The following EPHA6 variants were observed in gnomAD, a reference collection of about 807,000 sequenced individuals.
The protein encoded by EPHA6 is ephrin type-A receptor 6.
In EPHA6, 50 loss-of-function variants were observed where a neutral mutation model predicts 112.0. That is an observed-to-expected ratio of 0.45 (90% CI 0.36 to 0.56). The LOEUF is 0.56. Among genes scored for constraint, EPHA6 ranks in the 20% least tolerant of loss-of-function variants. The pLI is 0.00. For synonymous variants in EPHA6, 529 were observed against 490.7 expected (o/e 1.08, Z -1.03); for missense variants, 1,280 against 1,417.4 (o/e 0.90, Z 1.56).
chr3:97,375,661 A>G (rs984066182), intron 5 of EPHA6, among the ~76,000 whole-genome samples: 1 of 152,164 alleles, frequency 6.6e-6, no homozygotes, highest in African/African-American at 2.4e-5. Flanking sequence ...ATGTAAATAA[A>G]TAAAACTGTC....
intron 7 of EPHA6, among the ~76,000 whole-genome samples, chr3:97,455,709 T>C (rs1344378484): frequency 7.9e-5 from 12 of 152,058 alleles, no homozygotes; most frequent in Non-Finnish European, 5.9e-5. Context: ...TCTGGATTAA[T>C]GTACACATGG....
At chr3:97,155,459 A>T (rs2076267826) in intron 3 of EPHA6, among the ~76,000 whole-genome samples, 1 of 152,182 alleles carries the variant, frequency 6.6e-6, no homozygotes, top group South Asian at 2.1e-4. Flanking sequence ...AAATATGGTA[A>T]TTCTGTGTAT....
At chr3:96,871,126 C>T (rs74851123) in intron 2 of EPHA6, among the ~76,000 whole-genome samples, 3,723 of 151,954 alleles carry the variant, frequency 0.025, 152 homozygotes, top group African/African-American at 0.083. Context: ...TCTAAACACC[C>T]GTCATGTTAA....
intron 10 of EPHA6, among the ~76,000 whole-genome samples, chr3:97,494,718 C>T (rs999662689): frequency 3.3e-5 from 5 of 152,074 alleles, no homozygotes; most frequent in Admixed American, 6.6e-5. Context: ...CTTATAACTC[C>T]GTACATGATC....
At chr3:97,642,380 C>T (rs1357252924) in intron 14 of EPHA6, among the ~76,000 whole-genome samples, 207 of 137,170 alleles carry the variant, frequency 1.5e-3, no homozygotes, top group African/African-American at 5.5e-3. Context: ...AAAAGCAGAG[C>T]GCCTCTCCTC....
intron 11 of EPHA6, among the ~76,000 whole-genome samples, chr3:97,588,547 G>A (rs1231571607): frequency 1.3e-5 from 2 of 152,104 alleles, no homozygotes; most frequent in African/African-American, 4.8e-5. Context: ...TTCAAAGAAG[G>A]GAATCTTTTC....
At chr3:96,866,197 G>A (rs2036299403) in intron 1 of EPHA6, among the ~76,000 whole-genome samples, 2 of 152,090 alleles carry the variant, frequency 1.3e-5, no homozygotes, top group South Asian at 2.1e-4. Flanking sequence ...AACAGAAAAT[G>A]TTGTTATGTG....
At chr3:97,294,860 C>T (rs2080818742) in intron 5 of EPHA6, among the ~76,000 whole-genome samples, 1 of 152,102 alleles carries the variant, frequency 6.6e-6, no homozygotes, top group Admixed American at 6.6e-5. Flanking sequence ...TGAAGGATAA[C>T]TTTGCTGGGT....
At chr3:97,322,655 C>T (rs1328989528) in intron 5 of EPHA6, among the ~76,000 whole-genome samples, 2 of 151,884 alleles carry the variant, frequency 1.3e-5, no homozygotes, top group Non-Finnish European at 2.9e-5. Flanking sequence ...AAATATCATG[C>T]TATAAAAAAA....
chr3:97,021,668 C>A (rs1347056854), intron 3 of EPHA6, among the ~76,000 whole-genome samples: 1 of 152,194 alleles, frequency 6.6e-6, no homozygotes, highest in East Asian at 1.9e-4. Context: ...ATGGTTTTTC[C>A]TCTGTGCTTG....
intron 3 of EPHA6, among the ~76,000 whole-genome samples, chr3:97,164,176 G>C (rs995160342): frequency 6.6e-6 from 1 of 151,998 alleles, no homozygotes; most frequent in Non-Finnish European, 1.5e-5. Flanking sequence ...TCAGATCCTT[G>C]CTTCTTATAA....
intron 3 of EPHA6, among the ~76,000 whole-genome samples, chr3:97,004,720 C>G (rs1399721515): frequency 2.0e-5 from 3 of 152,252 alleles, no homozygotes; most frequent in Non-Finnish European, 4.4e-5. Flanking sequence ...TTGCCCATGC[C>G]TATGTCCTGA....
rs141039971 is a variant in EPHA6, at chr3:96,883,318, G to A, written c.450+16429G>A. 2.1e-3 allele frequency among the ~76,000 whole-genome samples: 315 copies of A among 152,222 alleles called. 6 individuals are homozygous for A. The East Asian group carries it at 0.056, about 27-fold the overall frequency. On this transcript the variant is annotated intron_variant, in intron 2 of 17. Transcript: ENST00000389672. ...AGTTTGTTGTAGATTCTGGATATTA[G>A]TCCTTTGTTAGATGTATAGATTGTG... is the stretch of plus-strand genomic sequence containing the variant.
intron 5 of EPHA6, among the ~76,000 whole-genome samples, chr3:97,259,105 T>G (rs531648205): frequency 1.3e-3 from 204 of 152,164 alleles, no homozygotes; most frequent in Non-Finnish European, 2.2e-3. Context: ...AAGAGGTATC[T>G]CAGTAATGTT....
chr3:96,853,956 G>T (rs1480371634), intron 1 of EPHA6, among the ~76,000 whole-genome samples: 4 of 151,808 alleles, frequency 2.6e-5, no homozygotes, highest in Non-Finnish European at 4.4e-5. Context: ...ACTACTTAAA[G>T]ATTTTCTTAT....
chr3:97,533,374 TA>T, intron 11 of EPHA6, among the ~76,000 whole-genome samples: 1 of 152,204 alleles, frequency 6.6e-6, no homozygotes, highest in Admixed American at 6.6e-5. Flanking sequence ...CAGGAAAGTA[TA>T]AAAGCTTACT....
rs1576357119 is a variant in EPHA6, at chr3:97,724,852, A to G, written c.2934+4442A>G. Among the ~76,000 whole-genome samples, 4 of 152,138 alleles carry G rather than the reference A, an allele frequency of 2.6e-5. No homozygotes were observed. In the South Asian group the frequency reaches 8.3e-4, roughly 32 times the overall value. On this transcript the variant is annotated intron_variant, in intron 15 of 17. Transcript: ENST00000389672. ...TAAAATTCTGGTATTTTTAAGTGTT[A>G]TCCCCACCCCCAAATAGAATGTAGA...
intron 14 of EPHA6, chr3:97,648,508 A>T (rs1373990892): frequency 6.2e-6 from 8 of 1,293,052 alleles, no homozygotes; most frequent in Non-Finnish European, 7.8e-6. Context: ...TGACTTTTTG[A>T]AGTTAATTTT....
At chr3:97,546,128 G>T (rs553505525) in intron 11 of EPHA6, among the ~76,000 whole-genome samples, 2 of 152,146 alleles carry the variant, frequency 1.3e-5, no homozygotes, top group Non-Finnish European at 2.9e-5. Flanking sequence ...TGGTTATTTT[G>T]CTCATTAGTT....
Sources: gnomAD v4.1 joint callset for allele counts (sites outside exome capture counted in the v4.1 genomes callset) on GRCh38, gnomAD v4.1.1 for gene constraint, MANE v1.5 for transcripts, NCBI Gene and HGNC (gene_info 2026-07-23, HGNC 2026-07-21) for gene names.